The following TOP1 variants were observed in gnomAD, a reference collection of about 807,000 sequenced individuals.
The protein encoded by TOP1 is DNA topoisomerase I.
Under a neutral mutation model 111.1 loss-of-function variants are expected in TOP1, and 10 were observed. The ratio of observed to expected loss-of-function variants is 0.09; its 90% CI spans 0.06 to 0.15. The LOEUF (loss-of-function observed/expected upper bound fraction) is 0.15, where lower values mean the gene tolerates loss of function less well. Ranked by LOEUF, TOP1 falls within the 10% of genes least tolerant of loss-of-function variation. The pLI, the probability that TOP1 is intolerant of heterozygous loss-of-function variation, is 1.00. For missense variants in TOP1, 474 were observed against 926.7 expected (o/e 0.51, Z 6.34); for synonymous variants, 271 against 302.9 (o/e 0.89, Z 1.10).
intron 2 of TOP1, among the ~76,000 whole-genome samples, chr20:41,037,552 A>T (rs991844365): frequency 6.6e-6 from 1 of 152,240 alleles, no homozygotes; most frequent in Non-Finnish European, 1.5e-5. Context: ...ACCTTAAATA[A>T]TATAATAAAG....
intron 2 of TOP1, among the ~76,000 whole-genome samples, chr20:41,041,792 T>A (rs1356105868): frequency 6.6e-6 from 1 of 152,342 alleles, no homozygotes; most frequent in Non-Finnish European, 1.5e-5. Context: ...GAGAAGTTGA[T>A]CTATCTGAAC....
In TOP1 at chr20:41,030,750, A is replaced by T. The variant is rs187365735; in HGVS notation, c.58+1295A>T. Among the ~76,000 whole-genome samples the T allele has an allele frequency of 6.6e-6, 1 of 152,122 alleles. No individual in the cohort carries two copies. The highest frequency in any genetic ancestry group is 1.5e-5 in the Non-Finnish European group (1 of 68,012). On this transcript the variant is annotated intron_variant, in intron 2 of 20. Coordinates refer to ENST00000361337, the MANE Select transcript of TOP1 (RefSeq NM_003286.4). The surrounding 1 kb of genome is among the most constrained non-coding windows in gnomAD (Gnocchi z 4.1). ...GAGAAGTTGATGAGTAGGTTTTCTAATGTTGTAATCAGCAGTCCATCATGT... is the reference window on the plus strand; with the variant it reads ...GAGAAGTTGATGAGTAGGTTTTCTATTGTTGTAATCAGCAGTCCATCATGT...
rs2033546754 is a variant in TOP1 at position 41,061,666 on chromosome 20, C to T, written c.155+176C>T. Among the ~76,000 whole-genome samples, 1 of 152,044 alleles carries T rather than the reference C, an allele frequency of 6.6e-6. No homozygotes were observed. Among genetic ancestry groups the T allele is most frequent in the South Asian group, 2.1e-4 (1 of 4,826 alleles). ...CATGATTTAGGCCTTAAATGGGATG[C>T]CATTGTTCAGATCAAGATGTATAAA... On this transcript the variant is annotated intron_variant, in intron 3 of 20. Coordinates refer to ENST00000361337, the MANE Select transcript of TOP1 (RefSeq NM_003286.4). The surrounding 1 kb of genome is among the most constrained non-coding windows in gnomAD (Gnocchi z 4.6).
intron 2 of TOP1, among the ~76,000 whole-genome samples, chr20:41,057,137 G>T (rs930174818): frequency 6.6e-6 from 1 of 152,062 alleles, no homozygotes; most frequent in Admixed American, 6.6e-5. Context: ...ATGGCGGCAT[G>T]CACCTGTAGT....
At chr20:41,063,262 C>T (rs2033567630) in intron 3 of TOP1, among the ~76,000 whole-genome samples, 1 of 152,168 alleles carries the variant, frequency 6.6e-6, no homozygotes. Context: ...CTACAAAGGA[C>T]ATGATTCAGT....
chr20:41,029,128 C>T lies in TOP1; in HGVS notation c.33+28C>T. 6.8e-7 allele frequency: 1 copy of T among 1,471,890 alleles called. No individual in the cohort carries two copies. Among genetic ancestry groups the T allele is most frequent in the South Asian group, 1.3e-5 (1 of 76,702 alleles). 91.2% of individuals were successfully genotyped at this position (1,471,890 alleles called of 1,614,324 possible). ...ACGGCCCGGCCTGACCCTGGCGGCCCCGGACCCCGGCCTGGCCGTCCCGCG... is the reference window on the plus strand; with the variant it reads ...ACGGCCCGGCCTGACCCTGGCGGCCTCGGACCCCGGCCTGGCCGTCCCGCG... On this transcript the variant is annotated intron_variant, in intron 1 of 20. Coordinates refer to ENST00000361337, the MANE Select transcript of TOP1 (RefSeq NM_003286.4). This position sits in a 1 kb window ranked among gnomAD's most constrained non-coding sequence, Gnocchi z 6.1.
chr20:41,050,788 G>C (rs1334728125), intron 2 of TOP1, among the ~76,000 whole-genome samples: 1 of 152,142 alleles, frequency 6.6e-6, no homozygotes, highest in Non-Finnish European at 1.5e-5. Flanking sequence ...TGCACTCCTG[G>C]ATGCCAGTTT....
chr20:41,044,954 GT>G (rs954016923), intron 2 of TOP1, among the ~76,000 whole-genome samples: 11 of 152,034 alleles, frequency 7.2e-5, no homozygotes, highest in Admixed American at 5.9e-4. Context: ...CGCTCAGCCA[GT>G]TTTTTTGTAT....
intron 2 of TOP1, among the ~76,000 whole-genome samples, chr20:41,036,975 C>T (rs1371495824): frequency 2.6e-5 from 4 of 151,884 alleles, no homozygotes; most frequent in South Asian, 2.1e-4. Flanking sequence ...GGACTACAGG[C>T]GCCCGCCACC....
chr20:41,063,806 A>C (rs2033575226), intron 3 of TOP1, among the ~76,000 whole-genome samples: 1 of 151,214 alleles, frequency 6.6e-6, no homozygotes. Context: ...TGCTTGTTGA[A>C]TCATTTAGGT....
chr20:41,043,664 A>C (rs899972277), intron 2 of TOP1, among the ~76,000 whole-genome samples: 7 of 152,164 alleles, frequency 4.6e-5, no homozygotes, highest in Admixed American at 4.6e-4. Flanking sequence ...ATGGCCAGAC[A>C]AAGTATGGTC....
intron 2 of TOP1, among the ~76,000 whole-genome samples, chr20:41,040,467 A>T (rs752384352): frequency 8.1e-4 from 124 of 152,196 alleles, no homozygotes; most frequent in Non-Finnish European, 1.6e-3. Flanking sequence ...CTTCCACTTA[A>T]CCAGGAGAGG....
rs958371856 is a variant in TOP1 at position 41,114,513 on chromosome 20, G to A, written c.1638+358G>A. 2.6e-5 allele frequency among the ~76,000 whole-genome samples: 4 copies of A among 152,210 alleles called. No individual in the cohort carries two copies. The highest frequency in any genetic ancestry group is 7.2e-5 in the African/African-American group (3 of 41,450). On this transcript the variant is annotated intron_variant, in intron 15 of 20. Coordinates refer to ENST00000361337, the MANE Select transcript of TOP1 (RefSeq NM_003286.4). This position sits in a 1 kb window ranked among gnomAD's most constrained non-coding sequence, Gnocchi z 4.5. ...TGTACCTCCTTTTAGTCACTGTTCC[G>A]CCCTGTGCTACCTTCCTGGTAAGGA...
At position 41,102,474 on chromosome 20, in the gene TOP1, G is replaced by A. The variant is rs1014061267; in HGVS notation, c.1308+1121G>A. 3.9e-5 allele frequency among the ~76,000 whole-genome samples: 6 copies of A among 152,250 alleles called. No individual in the cohort carries two copies. Among genetic ancestry groups the A allele is most frequent in the African/African-American group, 1.4e-4 (6 of 41,534 alleles). Reference sequence around the variant, plus strand: ...AAAATACAAAAATTAGCCAGGCGTGGTAGTGGGTGCCTGTAATCCCATCTA... The same window carrying A: ...AAAATACAAAAATTAGCCAGGCGTGATAGTGGGTGCCTGTAATCCCATCTA... On this transcript the variant is annotated intron_variant, in intron 13 of 20. Coordinates refer to ENST00000361337, the MANE Select transcript of TOP1 (RefSeq NM_003286.4). The surrounding 1 kb of genome is among the most constrained non-coding windows in gnomAD (Gnocchi z 4.0).
chr20:41,064,355 C>T lies in TOP1; in HGVS notation c.155+2865C>T, dbSNP rs116419482. 3.4e-3 allele frequency among the ~76,000 whole-genome samples: 519 copies of T among 152,218 alleles called. 1 individual carries two copies. The highest frequency in any genetic ancestry group is 0.011 in the African/African-American group (477 of 41,546). On this transcript the variant is annotated intron_variant, in intron 3 of 20. Coordinates refer to ENST00000361337, the MANE Select transcript of TOP1 (RefSeq NM_003286.4). Reference sequence around the variant, plus strand: ...AGAATACATTCTTTTTAAGTGCACACGAAATGTGCCAAAATAGCTCATACT... The same window carrying T: ...AGAATACATTCTTTTTAAGTGCACATGAAATGTGCCAAAATAGCTCATACT...
chr20:41,086,043 A>G (rs906981138), intron 8 of TOP1, among the ~76,000 whole-genome samples: 3 of 152,216 alleles, frequency 2.0e-5, no homozygotes, highest in Non-Finnish European at 2.9e-5. Context: ...CTGGTGGATC[A>G]CCTGAGGTCA....
chr20:41,070,483 T>G (rs1381277967), intron 3 of TOP1, among the ~76,000 whole-genome samples: 1 of 152,270 alleles, frequency 6.6e-6, no homozygotes, highest in Non-Finnish European at 1.5e-5. Context: ...TCTTAGTGCC[T>G]TTTGGAAACT....
In TOP1 at chr20:41,121,711, G is replaced by A; in HGVS notation, c.1966G>A (p.Glu656Lys). ...TTTCCCCTAGATTGATGCCAAGAAGGAACAGCTAGCAGATGCCCGGAGAGA... is the reference window on the plus strand; with the variant it reads ...TTTCCCCTAGATTGATGCCAAGAAGAAACAGCTAGCAGATGCCCGGAGAGA... ...NLQTKIDAKK[E>K]QLADARRDLK... Residue 656 changes from glutamate to lysine, a missense_variant, in exon 19 of 21, where the codon GAA (glutamate) becomes AAA (lysine). Coordinates refer to ENST00000361337, the MANE Select transcript of TOP1 (RefSeq NM_003286.4). The surrounding 1 kb of genome is among the most constrained non-coding windows in gnomAD (Gnocchi z 4.2). 6.2e-7 allele frequency: 1 copy of A among 1,614,018 alleles called. No homozygotes were observed. The highest frequency in any genetic ancestry group is 8.5e-7 in the Non-Finnish European group (1 of 1,179,900).
At position 41,092,525 on chromosome 20, in the gene TOP1, A is replaced by G. The variant is rs760013535; in HGVS notation, c.668A>G (p.Lys223Arg). The G allele has an allele frequency of 6.2e-6, 10 of 1,607,552 alleles. No homozygotes were observed. The highest frequency in any genetic ancestry group is 1.7e-6 in the Non-Finnish European group (2 of 1,177,792). ...EGIKWKFLEH[K>R]GPVFAPPYEP... ...ATCAAGTGGAAATTCCTAGAACATAAAGGTCCAGTATTTGCCCCACCATAT... is the reference window on the plus strand; with the variant it reads ...ATCAAGTGGAAATTCCTAGAACATAGAGGTCCAGTATTTGCCCCACCATAT... Residue 223 changes from lysine (K) to arginine (R), a missense_variant, in exon 9 of 21, where the codon AAA (lysine) becomes AGA (arginine). Lys to Arg is a conservative substitution (Grantham distance 26). Coordinates refer to ENST00000361337, the MANE Select transcript of TOP1 (RefSeq NM_003286.4). The surrounding 1 kb of genome is among the most constrained non-coding windows in gnomAD (Gnocchi z 4.3).
Sources: allele counts gnomAD v4.1 joint callset (sites outside exome capture counted in the v4.1 genomes callset), GRCh38; gene constraint gnomAD v4.1.1; non-coding constraint Gnocchi (gnomAD v3.1); transcripts MANE v1.5; gene names NCBI Gene and HGNC (gene_info 2026-07-23, HGNC 2026-07-21).